SEMA5A: variants seen among roughly 807,000 people sequenced by gnomAD.
The protein encoded by SEMA5A is semaphorin 5A.
Under a neutral mutation model 135.5 loss-of-function variants are expected in SEMA5A, and 55 were observed. That is an observed-to-expected ratio of 0.41 (90% CI 0.33 to 0.51). The LOEUF is 0.51. SEMA5A is among the 20% of genes least tolerant of loss of function. The probability of loss-of-function intolerance (pLI) is 0.37; values close to 1 mark genes in which losing one functional copy is unlikely to be tolerated. For synonymous variants in SEMA5A, 580 were observed against 546.5 expected (o/e 1.06, Z -0.85); for missense variants, 1,290 against 1,419.9 (o/e 0.91, Z 1.47).
chr5:9,121,651 G>A (rs1215561825), intron 14 of SEMA5A, among the ~76,000 whole-genome samples: 1 of 152,078 alleles, frequency 6.6e-6, no homozygotes, highest in Non-Finnish European at 1.5e-5. Context: ...AAAGCATACA[G>A]TACATAATGC....
At chr5:9,473,886 T>C (rs1759572482) in intron 1 of SEMA5A, among the ~76,000 whole-genome samples, 1 of 152,020 alleles carries the variant, frequency 6.6e-6, no homozygotes, top group South Asian at 2.1e-4. Context: ...GCAGTCCAAA[T>C]GCTGAAAGAG....
chr5:9,424,989 T>A (rs921021092), intron 2 of SEMA5A, among the ~76,000 whole-genome samples: 1 of 152,142 alleles, frequency 6.6e-6, no homozygotes, highest in African/African-American at 2.4e-5. Context: ...GAAACGTAAA[T>A]AACTCATATC....
chr5:9,170,602 C>T (rs1170045530), intron 11 of SEMA5A, among the ~76,000 whole-genome samples: 5 of 151,940 alleles, frequency 3.3e-5, no homozygotes, highest in Non-Finnish European at 2.9e-5. Context: ...GATTCATGCC[C>T]TTATAAAATA....
At chr5:9,236,985 C>A (rs1373301632) in intron 6 of SEMA5A, among the ~76,000 whole-genome samples, 1 of 152,166 alleles carries the variant, frequency 6.6e-6, no homozygotes, top group Non-Finnish European at 1.5e-5. Context: ...GTGCTCTCTG[C>A]ATTTGCTATA....
chr5:9,377,813 G>A (rs772306745), intron 3 of SEMA5A, among the ~76,000 whole-genome samples: 1 of 152,158 alleles, frequency 6.6e-6, no homozygotes, highest in Non-Finnish European at 1.5e-5. Context: ...TGTTAGCACT[G>A]TCCACTGAGA....
Position 9,337,699 on chromosome 5 carries a change from A to G in SEMA5A, c.224+14T>C. Reference sequence around the variant, plus strand: ...CCAAAAATATCTGTGGTGGCAAAATACAATATCTCTCACCTTGCTCCTACA... The same window carrying G: ...CCAAAAATATCTGTGGTGGCAAAATGCAATATCTCTCACCTTGCTCCTACA... On this transcript the variant is annotated intron_variant, in intron 4 of 22. Transcript: ENST00000382496. 6.3e-7 allele frequency: 1 copy of G among 1,584,400 alleles called. No individual in the cohort carries two copies. Among genetic ancestry groups the G allele is most frequent in the Non-Finnish European group, 8.6e-7 (1 of 1,156,372 alleles).
At chr5:9,196,279 T>A (rs1341455441) in intron 10 of SEMA5A, among the ~76,000 whole-genome samples, 1 of 152,122 alleles carries the variant, frequency 6.6e-6, no homozygotes, top group African/African-American at 2.4e-5. Context: ...TGAGGGTAAG[T>A]GAGGTCATAA....
chr5:9,225,706 C>A (rs369104378), intron 7 of SEMA5A, among the ~76,000 whole-genome samples: 20 of 152,064 alleles, frequency 1.3e-4, no homozygotes, highest in African/African-American at 4.6e-4. Flanking sequence ...CCAACACTTT[C>A]TTTCTTTTTT....
At chr5:9,297,432 T>C (rs1368507981) in intron 5 of SEMA5A, among the ~76,000 whole-genome samples, 2 of 152,166 alleles carry the variant, frequency 1.3e-5, no homozygotes, top group South Asian at 2.1e-4. Context: ...AAAAAAGGAA[T>C]CAGAGAACTC....
At chr5:9,248,441 C>T (rs1034519881) in intron 5 of SEMA5A, among the ~76,000 whole-genome samples, 2 of 151,804 alleles carry the variant, frequency 1.3e-5, no homozygotes, top group Non-Finnish European at 2.9e-5. Flanking sequence ...CCAATTAGGG[C>T]CTTGAAACAC....
chr5:9,347,003 CA>C (rs1579385488), intron 3 of SEMA5A, among the ~76,000 whole-genome samples: 1 of 151,762 alleles, frequency 6.6e-6, no homozygotes, highest in East Asian at 1.9e-4. Flanking sequence ...AAAATTATCT[CA>C]AAAAATGTCT....
At chr5:9,310,238 T>A (rs4235595) in intron 5 of SEMA5A, among the ~76,000 whole-genome samples, 3 of 152,064 alleles carry the variant, frequency 2.0e-5, no homozygotes, top group African/African-American at 7.2e-5. Flanking sequence ...CAGCCATAGA[T>A]GTTATGTTAA....
intron 1 of SEMA5A, among the ~76,000 whole-genome samples, chr5:9,539,198 T>A (rs1019331852): frequency 1.6e-4 from 25 of 152,180 alleles, no homozygotes; most frequent in African/African-American, 5.8e-4. Flanking sequence ...TCTCTATAAA[T>A]GGAAATACAT....
chr5:9,132,024 A>T (rs2150208173), intron 13 of SEMA5A, among the ~76,000 whole-genome samples: 1 of 152,328 alleles, frequency 6.6e-6, no homozygotes. Flanking sequence ...AGATATGCCA[A>T]TTTAGATTTT....
rs113681686 is a variant in SEMA5A at position 9,188,465 on chromosome 5, G to T, written c.1273+1802C>A. On this transcript the variant is annotated intron_variant, in intron 11 of 22. Transcript: ENST00000382496. ...AAACATGACCTACTTGGACTTACGT[G>T]GGGAGTACGTCCAAAGGCTCAGGTT... Among the ~76,000 whole-genome samples, 11 of 152,210 alleles carry T rather than the reference G, an allele frequency of 7.2e-5. 1 individual carries two copies. Among genetic ancestry groups the T allele is most frequent in the African/African-American group, 2.4e-4 (10 of 41,536 alleles).
At chr5:9,389,628 AGAACCCATGCCCTCCTCTG>A (rs781059546) in intron 2 of SEMA5A, among the ~76,000 whole-genome samples, 6 of 152,140 alleles carry the variant, frequency 3.9e-5, no homozygotes, top group African/African-American at 7.2e-5. Flanking sequence ...ACCCACATTT[AGAACCCATGCCCTCCTCTG>A]GAATCCATGC....
chr5:9,490,433 T>G (rs1734945421), intron 1 of SEMA5A, among the ~76,000 whole-genome samples: 1 of 152,158 alleles, frequency 6.6e-6, no homozygotes, highest in Admixed American at 6.6e-5. Context: ...GATCCATTAT[T>G]TTTCTCCGTA....
chr5:9,394,030 A>T (rs1756281575), intron 2 of SEMA5A, among the ~76,000 whole-genome samples: 1 of 152,210 alleles, frequency 6.6e-6, no homozygotes, highest in Admixed American at 6.5e-5. Flanking sequence ...ACCGCCAATA[A>T]AAAAACAAGC....
At chr5:9,207,102 G>GTATATATACATATA (rs1746065362) in intron 8 of SEMA5A, among the ~76,000 whole-genome samples, 1 of 97,698 alleles carries the variant, frequency 1.0e-5, no homozygotes, top group Non-Finnish European at 2.0e-5. Flanking sequence ...ATGATCAAGT[G>GTATATATACATATA]TATATATATA....
Sources: allele counts gnomAD v4.1 joint callset (sites outside exome capture counted in the v4.1 genomes callset), GRCh38; gene constraint gnomAD v4.1.1; transcripts MANE v1.5; gene names NCBI Gene and HGNC (gene_info 2026-07-23, HGNC 2026-07-21).